TMEM221: variants seen among roughly 807,000 people sequenced by gnomAD.
The protein encoded by TMEM221 is transmembrane protein 221.
Under a neutral mutation model 10.2 loss-of-function variants are expected in TMEM221, and 11 were observed. That is an observed-to-expected ratio of 1.08 (90% confidence interval 0.68 to 1.79). The LOEUF (loss-of-function observed/expected upper bound fraction) is 1.79. TMEM221 is among the 40% of genes most tolerant of loss of function. The probability of loss-of-function intolerance (pLI) is 0.00; values close to 1 mark genes in which losing one functional copy is unlikely to be tolerated. For missense variants in TMEM221, 382 were observed against 417.7 expected (o/e 0.91, Z 0.75); for synonymous variants, 172 against 199.8 (o/e 0.86, Z 1.18).
At chr19:17,447,975 GGGA>G (rs1323549595) in intron 1 of TMEM221, among the ~76,000 whole-genome samples, 165 bp downstream of exon 1, 6 of 152,222 alleles carry the variant, frequency 3.9e-5, no homozygotes, top group Admixed American at 6.5e-5. Flanking sequence ...GAGGGAAGGA[GGGA>G]GGAGGAGAGG....
At chr19:17,441,211 GAAAAA>G (rs569733675) in intron 2 of TMEM221, among the ~76,000 whole-genome samples, 1 of 51,782 alleles carries the variant, frequency 1.9e-5, no homozygotes, top group Non-Finnish European at 5.0e-5. Flanking sequence ...CCATCTCAGA[GAAAAA>G]AAAAAAAAAA....
chr19:17,442,133 G>C (rs1419547976), intron 2 of TMEM221, among the ~76,000 whole-genome samples: 1 of 152,098 alleles, frequency 6.6e-6, no homozygotes, highest in Non-Finnish European at 1.5e-5. Flanking sequence ...AAGGCTCCAG[G>C]CATCGTGTCA....
intron 2 of TMEM221, among the ~76,000 whole-genome samples, chr19:17,439,915 C>T (rs2074924862): frequency 6.6e-6 from 1 of 151,946 alleles, no homozygotes; most frequent in Non-Finnish European, 1.5e-5. Flanking sequence ...AACGGCTGGG[C>T]GAGGTGGCTC....
chr19:17,448,135 C>A lies in TMEM221; in HGVS notation c.320+8G>T. 2 of 1,381,404 alleles carry A rather than the reference C, an allele frequency of 1.4e-6. No homozygotes were observed. The highest frequency in any genetic ancestry group is 1.6e-5 in the South Asian group (1 of 62,976). 85.6% of individuals were successfully genotyped at this position (1,381,404 alleles called of 1,614,324 possible). ...GGGCCTCCGAGGCGGTGAGGCCAGT[C>A]CTCCTACCTCCTGGGGCCAGGCCCC... On this transcript the variant is annotated splice_region_variant and intron_variant, in intron 1 of 2. Transcript: ENST00000341130. This position sits in a 1 kb window ranked among gnomAD's most constrained non-coding sequence, Gnocchi z 4.7.
intron 2 of TMEM221, among the ~76,000 whole-genome samples, chr19:17,438,182 G>A (rs796290251): frequency 1.5e-4 from 22 of 151,290 alleles, no homozygotes; most frequent in East Asian, 3.9e-4. Context: ...TCTGCTTCCC[G>A]GGTTCAAGCG....
intron 2 of TMEM221, among the ~76,000 whole-genome samples, chr19:17,444,652 C>T (rs953008232): frequency 5.1e-5 from 7 of 138,444 alleles, no homozygotes; most frequent in East Asian, 2.0e-4. Flanking sequence ...CTTAGCCTCC[C>T]GAGGAGCTGG....
intron 2 of TMEM221, among the ~76,000 whole-genome samples, chr19:17,444,145 G>A (rs1300022967): frequency 7.4e-6 from 1 of 135,392 alleles, no homozygotes; most frequent in Non-Finnish European, 1.5e-5. Context: ...GCAGTGGCAC[G>A]ATCTTGGCTC....
chr19:17,437,417 G>A (rs377657589), intron 2 of TMEM221, among the ~76,000 whole-genome samples: 2 of 152,146 alleles, frequency 1.3e-5, no homozygotes, highest in Non-Finnish European at 2.9e-5. Context: ...AAGAGTGTCC[G>A]AGGCTCAGAA....
rs1328633936 is a variant in TMEM221 at position 17,436,705 on chromosome 19, G to C, written c.629C>G (p.Pro210Arg). Reference sequence around the variant, plus strand: ...GGTCCGACGATGGATACCCTGCTGAGGCTGAGCTCTGGGGCTGGCCTTGGA... The same window carrying C: ...GGTCCGACGATGGATACCCTGCTGACGCTGAGCTCTGGGGCTGGCCTTGGA... ...EVSKASPRAQ[P>R]QQGIHRRTPY... The change falls in exon 3 of 3, where the codon CCT (proline) becomes CGT (arginine). Residue 210 changes from proline to arginine, a missense_variant. Transcript: ENST00000341130. 3 of 1,533,570 alleles carry C rather than the reference G, an allele frequency of 2.0e-6. No homozygotes were observed. Among genetic ancestry groups the C allele is most frequent in the Admixed American group, 3.9e-5 (2 of 50,848 alleles). The allele number at this position is 1,533,570 out of a possible 1,614,324, so 95.0% of individuals were successfully genotyped here.
At position 17,445,269 on chromosome 19, in the gene TMEM221, G is replaced by A; in HGVS notation, c.336C>T (p.Leu112=). The change falls in exon 2 of 3, where the codon CTC becomes CTT. Residue 112 remains leucine, a synonymous_variant. Coordinates refer to ENST00000341130, the MANE Select transcript of TMEM221 (RefSeq NM_001190844.2). ...CATGTCTGAGGAGGCGGCAGTCGTAGAGAAACCAGTCAGACCTGGAATGAA... is the reference window on the plus strand; with the variant it reads ...CATGTCTGAGGAGGCGGCAGTCGTAAAGAAACCAGTCAGACCTGGAATGAA... ...GPGPRRSDWF[L]YDCRLLRHVA... 1.3e-6 allele frequency: 2 copies of A among 1,535,828 alleles called. No individual in the cohort carries two copies. The highest frequency in any genetic ancestry group is 8.7e-7 in the Non-Finnish European group (1 of 1,146,594).
chr19:17,436,143 G>C lies in TMEM221; in HGVS notation c.*315C>G. ...TCCATCTGGACAGCCACATTTCCCA[G>C]CCTCCCCTGCAGCAAGGTATGGCCA... On this transcript the variant is annotated 3_prime_UTR_variant, in exon 3 of 3. Transcript: ENST00000341130. 1 of 257,846 alleles carries C rather than the reference G, an allele frequency of 3.9e-6. No homozygotes were observed. Among genetic ancestry groups the C allele is most frequent in the East Asian group, 7.2e-5 (1 of 13,964 alleles). The allele number at this position is 257,846 out of a possible 1,614,324, so 16.0% of individuals were successfully genotyped here.
At position 17,436,514 on chromosome 19, in the gene TMEM221, G is replaced by A. The variant is rs760613284; in HGVS notation, c.820C>T (p.Arg274Cys). The A allele has an allele frequency of 1.2e-5, 19 of 1,534,928 alleles. No homozygotes were observed. Among genetic ancestry groups the A allele is most frequent in the Middle Eastern group, 1.7e-4 (1 of 5,950 alleles). ...GHWDGVTHEM[R>C]RMLGHRPGSM... ...CCTGGTCTGTGGCCCAGCATTCGAC[G>A]CATCTCGTGCGTAACCCCGTCCCAG... Residue 274 changes from arginine to cysteine, a missense_variant, in exon 3 of 3, where the codon CGT becomes TGT. By Grantham distance (180) the Arg-to-Cys change is radical. Transcript: ENST00000341130.
chr19:17,443,518 TG>T (rs1190092269), intron 2 of TMEM221, among the ~76,000 whole-genome samples: 2 of 149,980 alleles, frequency 1.3e-5, no homozygotes, highest in Non-Finnish European at 3.0e-5. Flanking sequence ...AATGGTGGGG[TG>T]GGGGGGCGGT....
Position 17,448,551 on chromosome 19 carries a change from A to G in TMEM221, c.-89T>C. The G allele has an allele frequency of 1.2e-6, 1 of 859,782 alleles. No individual in the cohort carries two copies. The highest frequency in any genetic ancestry group is 1.5e-6 in the Non-Finnish European group (1 of 670,518). The allele number at this position is 859,782 out of a possible 1,614,324, so 53.3% of individuals were successfully genotyped here. A position where few individuals can be genotyped will look rare whatever the true frequency, so the allele number is the denominator to read the frequency against. ...AGTTGGGGGGAATCCGAGGGTCCTCAGGGGGTCCCCGAGGGGGCGGGGCCG... is the reference window on the plus strand; with the variant it reads ...AGTTGGGGGGAATCCGAGGGTCCTCGGGGGGTCCCCGAGGGGGCGGGGCCG... On this transcript the variant is annotated 5_prime_UTR_variant, in exon 1 of 3. Transcript: ENST00000341130. The surrounding 1 kb of genome is among the most constrained non-coding windows in gnomAD (Gnocchi z 4.7).
intron 2 of TMEM221, among the ~76,000 whole-genome samples, chr19:17,442,078 T>C (rs1302291574): frequency 6.6e-6 from 1 of 152,142 alleles, no homozygotes. Flanking sequence ...GAGGATATCT[T>C]ATTCCCTAGG....
chr19:17,447,460 C>T (rs1048856697), intron 1 of TMEM221, among the ~76,000 whole-genome samples: 2 of 152,146 alleles, frequency 1.3e-5, no homozygotes, highest in Non-Finnish European at 2.9e-5. Context: ...CCCGTGGGAC[C>T]CATGCATTTC....
chr19:17,442,442 CTT>C (rs35930067), intron 2 of TMEM221, among the ~76,000 whole-genome samples: 148 of 137,512 alleles, frequency 1.1e-3, no homozygotes, highest in Middle Eastern at 3.8e-3. Flanking sequence ...TCTTTTCTTT[CTT>C]TTTTTTTTTT....
At chr19:17,439,355 CA>C in intron 2 of TMEM221, among the ~76,000 whole-genome samples, 1 of 152,076 alleles carries the variant, frequency 6.6e-6, no homozygotes, top group South Asian at 2.1e-4. Flanking sequence ...TGCAAATAGC[CA>C]CAGAGTGTGA....
intron 2 of TMEM221, among the ~76,000 whole-genome samples, chr19:17,444,594 T>C (rs980957001): frequency 7.1e-6 from 1 of 140,828 alleles, no homozygotes; most frequent in African/African-American, 2.6e-5. Context: ...AGTGGGGTGA[T>C]CATGGCTCAC....
Sources: allele counts gnomAD v4.1 joint callset (sites outside exome capture counted in the v4.1 genomes callset), GRCh38; gene constraint gnomAD v4.1.1; non-coding constraint Gnocchi (gnomAD v3.1); transcripts MANE v1.5; gene names NCBI Gene and HGNC (gene_info 2026-07-23, HGNC 2026-07-21).